BIRC6: variants seen among roughly 807,000 people sequenced by gnomAD.
BIRC6 encodes the protein baculoviral IAP repeat containing 6.
Under a neutral mutation model 503.3 loss-of-function variants are expected in BIRC6, and 98 were observed. The ratio of observed to expected loss-of-function variants is 0.19; its 90% CI spans 0.17 to 0.23. The LOEUF is 0.23. Ranked by LOEUF, BIRC6 falls within the 10% of genes least tolerant of loss-of-function variation. BIRC6 has a pLI of 1.00. For missense variants in BIRC6, 5,360 were observed against 5,806.0 expected (o/e 0.92, Z 2.50); for synonymous variants, 2,240 against 2,078.7 (o/e 1.08, Z -2.11).
At chr2:32,436,678 C>T (rs1052531568) in intron 15 of BIRC6, among the ~76,000 whole-genome samples, 2 of 152,032 alleles carry the variant, frequency 1.3e-5, no homozygotes, top group African/African-American at 4.8e-5. Flanking sequence ...CTCCTAGGTT[C>T]AAGTGATTCT....
chr2:32,474,277 T>G (rs748919730), intron 33 of BIRC6, among the ~76,000 whole-genome samples: 15 of 152,280 alleles, frequency 9.9e-5, no homozygotes, highest in Non-Finnish European at 2.2e-4. Context: ...TTCAATCCTT[T>G]GCAGGAAAAA....
intron 26 of BIRC6, among the ~76,000 whole-genome samples, chr2:32,466,537 C>T (rs1471568797): frequency 2.0e-5 from 3 of 152,108 alleles, no homozygotes; most frequent in Non-Finnish European, 2.9e-5. Flanking sequence ...ATGCAATATG[C>T]AACTTCACAG....
intron 13 of BIRC6, 67 bp downstream of exon 13, chr2:32,433,871 C>CAGA: frequency 7.5e-7 from 1 of 1,329,122 alleles, no homozygotes; most frequent in Non-Finnish European, 1.0e-6. Context: ...AACTAATTTT[C>CAGA]ACCTTGGCTA....
At chr2:32,559,281 G>T (rs1414498615) in intron 65 of BIRC6, among the ~76,000 whole-genome samples, 1 of 152,212 alleles carries the variant, frequency 6.6e-6, no homozygotes, top group Non-Finnish European at 1.5e-5. Context: ...TTGCCTGGTT[G>T]TAAGCTGTAA....
intron 55 of BIRC6, among the ~76,000 whole-genome samples, chr2:32,516,840 C>T (rs2055104930): frequency 6.6e-6 from 1 of 151,992 alleles, no homozygotes; most frequent in Non-Finnish European, 1.5e-5. Flanking sequence ...ATACCTGCCT[C>T]AAGGATTTTT....
At chr2:32,434,971 A>T (rs1356501414) in intron 13 of BIRC6, among the ~76,000 whole-genome samples, 1 of 152,238 alleles carries the variant, frequency 6.6e-6, no homozygotes, top group Non-Finnish European at 1.5e-5. Flanking sequence ...TACAAATATT[A>T]TGCCATTTTA....
intron 51 of BIRC6, among the ~76,000 whole-genome samples, chr2:32,509,218 C>G (rs1427292967): frequency 6.6e-6 from 1 of 152,090 alleles, no homozygotes; most frequent in East Asian, 1.9e-4. Flanking sequence ...CCCATGGTGT[C>G]TAAGTGCTAT....
chr2:32,547,945 T>G lies in BIRC6; in HGVS notation c.12906T>G (p.Ser4302=), dbSNP rs142781350. 3.1e-6 allele frequency: 5 copies of G among 1,613,810 alleles called. No individual in the cohort carries two copies. The Admixed American group carries it at 8.3e-5, about 27-fold the overall frequency. Reference sequence around the variant, plus strand: ...GCTTTGGAACAGGCTCTACAGCTTCTGGGTGGGATGTGGAACAAGCCTTAA... The same window carrying G: ...GCTTTGGAACAGGCTCTACAGCTTCGGGGTGGGATGTGGAACAAGCCTTAA... The part of the protein sequence containing the change: ...GTGFGTGSTA[S]GWDVEQALTK... Residue 4302 remains serine, a synonymous_variant, in exon 64 of 74, where the codon TCT becomes TCG. Transcript: ENST00000421745.
chr2:32,386,810 C>G (rs187056950), intron 3 of BIRC6, among the ~76,000 whole-genome samples: 61 of 152,164 alleles, frequency 4.0e-4, no homozygotes, highest in Admixed American at 2.4e-3. Flanking sequence ...AGTTTAATAT[C>G]TTTGTAGAGA....
intron 61 of BIRC6, among the ~76,000 whole-genome samples, chr2:32,541,357 A>C (rs948802482): frequency 2.6e-5 from 4 of 152,116 alleles, no homozygotes; most frequent in Admixed American, 2.0e-4. Context: ...AGCTGGCATC[A>C]AAATTGCACC....
intron 9 of BIRC6, among the ~76,000 whole-genome samples, chr2:32,414,391 G>A (rs905704215): frequency 3.3e-5 from 5 of 152,228 alleles, no homozygotes; most frequent in African/African-American, 1.2e-4. Context: ...TTTAGGCCAG[G>A]CGTGGTGGCT....
At chr2:32,451,053 AC>A (rs2046662553) in intron 22 of BIRC6, among the ~76,000 whole-genome samples, 1 of 152,224 alleles carries the variant, frequency 6.6e-6, no homozygotes, top group Admixed American at 6.5e-5. Context: ...ATCACAAGTT[AC>A]AGTCATCTTG....
At chr2:32,569,303 T>C (rs1441421861) in intron 65 of BIRC6, among the ~76,000 whole-genome samples, 2 of 152,192 alleles carry the variant, frequency 1.3e-5, no homozygotes, top group African/African-American at 2.4e-5. Flanking sequence ...GTTATTCTTA[T>C]AGAGACCTTT....
intron 10 of BIRC6, among the ~76,000 whole-genome samples, chr2:32,418,639 G>A (rs1393644233): frequency 2.0e-5 from 3 of 152,198 alleles, no homozygotes; most frequent in Admixed American, 2.0e-4. Context: ...GCACCCCGGT[G>A]CACATCTTTA....
At chr2:32,399,022 TAAAAC>T (rs2040297303) in intron 6 of BIRC6, among the ~76,000 whole-genome samples, 1 of 152,170 alleles carries the variant, frequency 6.6e-6, no homozygotes, top group Non-Finnish European at 1.5e-5. Context: ...GCCATGGAAA[TAAAAC>T]AATGAGTTTA....
chr2:32,595,287 C>A, intron 68 of BIRC6, 143 bp downstream of exon 68: 1 of 554,722 alleles, frequency 1.8e-6, no homozygotes, highest in South Asian at 2.6e-5. Flanking sequence ...CATTTTTTAT[C>A]ATCTTTGCCT....
chr2:32,433,306 G>A (rs1285175916), intron 12 of BIRC6, among the ~76,000 whole-genome samples: 2 of 152,154 alleles, frequency 1.3e-5, no homozygotes, highest in Admixed American at 1.3e-4. Context: ...ATAAATTGTT[G>A]TTTTGAAATG....
At chr2:32,474,992 T>TTG (rs1244738558) in intron 33 of BIRC6, among the ~76,000 whole-genome samples, 1 of 151,706 alleles carries the variant, frequency 6.6e-6, no homozygotes, top group Non-Finnish European at 1.5e-5. Context: ...GGTGGATCAG[T>TTG]TGGCACCAGG....
intron 59 of BIRC6, chr2:32,527,716 C>G (rs1456003875): frequency 6.6e-6 from 1 of 152,250 alleles, no homozygotes; most frequent in Admixed American, 6.6e-5. Flanking sequence ...AAAAAATATA[C>G]CTTCAGAGTT....
Sources: allele counts gnomAD v4.1 joint callset (sites outside exome capture counted in the v4.1 genomes callset), GRCh38; gene constraint gnomAD v4.1.1; transcripts MANE v1.5; gene names NCBI Gene and HGNC (gene_info 2026-07-23, HGNC 2026-07-21).